The following NELL2 variants were observed in gnomAD, a reference collection of about 807,000 sequenced individuals.
NELL2 encodes protein kinase C-binding protein NELL2.
NELL2 carries 41 observed loss-of-function variants against 109.6 expected under a neutral mutation model. The observed-to-expected ratio is 0.37, with a 90% CI of 0.29 to 0.49. The LOEUF (loss-of-function observed/expected upper bound fraction) is 0.49, where lower values mean the gene tolerates loss of function less well. Ranked by LOEUF, NELL2 falls within the 20% of genes least tolerant of loss-of-function variation. The probability of loss-of-function intolerance (pLI) is 0.98; values close to 1 mark genes in which losing one functional copy is unlikely to be tolerated. For missense variants in NELL2, 900 were observed against 1,008.3 expected (o/e 0.89, Z 1.45); for synonymous variants, 355 against 344.7 (o/e 1.03, Z -0.33).
intron 1 of NELL2, among the ~76,000 whole-genome samples, chr12:44,899,967 C>G (rs981997554): frequency 3.3e-5 from 5 of 152,002 alleles, no homozygotes; most frequent in African/African-American, 1.2e-4. Flanking sequence ...CAATTTTAGT[C>G]TCTGATAAAA....
At chr12:44,876,355 C>T (rs1398494523), upstream of NELL2, 9 of 1,041,460 alleles carry the variant, frequency 8.6e-6, no homozygotes, top group Non-Finnish European at 1.1e-5. Context: ...ACTGCTCCTC[C>T]GGGGAGGGAG....
intron 15 of NELL2, among the ~76,000 whole-genome samples, chr12:44,544,379 T>C (rs991629868): frequency 2.6e-5 from 4 of 152,136 alleles, no homozygotes; most frequent in Non-Finnish European, 5.9e-5. Context: ...CAACTAAGGT[T>C]TCAGAAGAGA....
rs966060865 is a variant in NELL2, at chr12:44,721,006, T to C, written c.995-6265A>G. Among the ~76,000 whole-genome samples the C allele has an allele frequency of 6.6e-5, 10 of 152,240 alleles. No individual in the cohort carries two copies. In the East Asian group the frequency reaches 1.9e-3, roughly 29 times the overall value. ...GTTAGGAGGCAAAGGAGGATAAAAGTACCTCCCAGAATAGAACAAGAGCAA... is the reference window on the plus strand; with the variant it reads ...GTTAGGAGGCAAAGGAGGATAAAAGCACCTCCCAGAATAGAACAAGAGCAA... On this transcript the variant is annotated intron_variant, in intron 9 of 19. Transcript: ENST00000429094.
At chr12:44,817,380 C>T (rs1337346421) in intron 2 of NELL2, among the ~76,000 whole-genome samples, 1 of 152,152 alleles carries the variant, frequency 6.6e-6, no homozygotes, top group Non-Finnish European at 1.5e-5. Flanking sequence ...ACTGAGAATA[C>T]ACAGACATGG....
chr12:44,867,852 G>A (rs1291356276), intron 2 of NELL2, among the ~76,000 whole-genome samples: 1 of 152,068 alleles, frequency 6.6e-6, no homozygotes, highest in Non-Finnish European at 1.5e-5. Flanking sequence ...AGGTGCAGTG[G>A]CTCACACCTG....
chr12:44,775,638 G>A (rs184397607), intron 8 of NELL2, among the ~76,000 whole-genome samples: 1 of 152,068 alleles, frequency 6.6e-6, no homozygotes, highest in East Asian at 1.9e-4. Context: ...GCTCAATCTG[G>A]ACACAATATT....
intron 12 of NELL2, among the ~76,000 whole-genome samples, chr12:44,682,443 T>A (rs1387217940): frequency 6.6e-6 from 1 of 152,218 alleles, no homozygotes; most frequent in South Asian, 2.1e-4. Context: ...TTTGTCAATT[T>A]TGGCTTTTGT....
At chr12:44,651,633 A>G (rs1227619921) in intron 13 of NELL2, among the ~76,000 whole-genome samples, 1 of 152,204 alleles carries the variant, frequency 6.6e-6, no homozygotes, top group African/African-American at 2.4e-5. Context: ...TCTATTAGGA[A>G]TATGACTCAT....
At chr12:44,780,884 A>G (rs1180194664) in intron 3 of NELL2, among the ~76,000 whole-genome samples, 1 of 152,122 alleles carries the variant, frequency 6.6e-6, no homozygotes, top group Non-Finnish European at 1.5e-5. Context: ...CAGTAACAAG[A>G]TGGCACCCTC....
chr12:44,512,525 AC>A (rs1424405976), intron 19 of NELL2, among the ~76,000 whole-genome samples: 1 of 152,090 alleles, frequency 6.6e-6, no homozygotes, highest in Non-Finnish European at 1.5e-5. Context: ...ATATATCTGA[AC>A]CCCCATGCAG....
intron 9 of NELL2, among the ~76,000 whole-genome samples, chr12:44,756,457 T>C (rs1438585270): frequency 1.3e-5 from 2 of 152,034 alleles, no homozygotes; most frequent in Admixed American, 1.3e-4. Flanking sequence ...AACTACCCCA[T>C]GCATCCTCCC....
chr12:44,678,903 C>T (rs1196603080), intron 12 of NELL2, among the ~76,000 whole-genome samples: 1 of 151,902 alleles, frequency 6.6e-6, no homozygotes, highest in Admixed American at 6.6e-5. Flanking sequence ...AGGAGAAAGT[C>T]TGAGATGAAG....
intron 16 of NELL2, among the ~76,000 whole-genome samples, chr12:44,527,831 T>C (rs1304090893): frequency 6.6e-6 from 1 of 152,080 alleles, no homozygotes; most frequent in African/African-American, 2.4e-5. Context: ...CGCTGGCTCA[T>C]GCCTGTAATC....
chr12:44,541,373 C>G (rs1942562578), intron 15 of NELL2, among the ~76,000 whole-genome samples: 1 of 151,290 alleles, frequency 6.6e-6, no homozygotes, highest in African/African-American at 2.4e-5. Flanking sequence ...AATAGGGCCA[C>G]AGTGATTACA....
At chr12:44,918,052 G>A (rs11182743), upstream of NELL2, among the ~76,000 whole-genome samples, 2,105 of 152,224 alleles carry the variant, frequency 0.014, 25 homozygotes, top group South Asian at 0.023. Context: ...TCATTTTCCT[G>A]GTCACTACCT....
intron 15 of NELL2, among the ~76,000 whole-genome samples, chr12:44,602,099 T>C (rs1047438396): frequency 3.9e-5 from 6 of 152,326 alleles, no homozygotes; most frequent in Admixed American, 2.6e-4. Flanking sequence ...TTTTTGTTTG[T>C]TGTTTTATTT....
chr12:44,768,818 G>A (rs1037697819), intron 9 of NELL2, among the ~76,000 whole-genome samples: 4 of 151,974 alleles, frequency 2.6e-5, no homozygotes, highest in African/African-American at 2.4e-5. Flanking sequence ...GTGGCCCCTC[G>A]TGTCTCTATC....
At chr12:44,866,548 C>A (rs988483215) in intron 2 of NELL2, among the ~76,000 whole-genome samples, 1 of 151,512 alleles carries the variant, frequency 6.6e-6, no homozygotes, top group Non-Finnish European at 1.5e-5. Flanking sequence ...AAACAAATAA[C>A]CTAAAGTTAC....
chr12:44,746,025 T>C (rs1231788416), intron 9 of NELL2, among the ~76,000 whole-genome samples: 6 of 151,766 alleles, frequency 4.0e-5, no homozygotes, highest in East Asian at 1.9e-4. Flanking sequence ...GCTGGAGGCA[T>C]CACGCTACCT....
Sources: gnomAD v4.1 joint callset for allele counts (sites outside exome capture counted in the v4.1 genomes callset) on GRCh38, gnomAD v4.1.1 for gene constraint, MANE v1.5 for transcripts, NCBI Gene and HGNC (gene_info 2026-07-23, HGNC 2026-07-21) for gene names.